MAGI2: variants seen among roughly 807,000 people sequenced by gnomAD.
MAGI2 encodes the protein membrane-associated guanylate kinase, WW and PDZ domain-containing protein 2.
In MAGI2, 35 loss-of-function variants were observed where a neutral mutation model predicts 133.3. The observed-to-expected ratio is 0.26, with a 90% CI of 0.20 to 0.35. MAGI2 has a LOEUF of 0.35. Ranked by LOEUF, MAGI2 falls within the 10% of genes least tolerant of loss-of-function variation. The pLI is 1.00. For missense variants in MAGI2, 1,636 were observed against 1,863.4 expected (o/e 0.88, Z 2.25); for synonymous variants, 729 against 710.6 (o/e 1.03, Z -0.41).
chr7:79,090,183 A>G (rs1257935644), intron 1 of MAGI2, among the ~76,000 whole-genome samples: 4 of 152,118 alleles, frequency 2.6e-5, no homozygotes, highest in South Asian at 2.1e-4. Flanking sequence ...CTATTATGCA[A>G]AAGGAATAAT....
intron 3 of MAGI2, among the ~76,000 whole-genome samples, chr7:78,566,082 C>A (rs1017528696): frequency 6.6e-6 from 1 of 152,080 alleles, no homozygotes; most frequent in Non-Finnish European, 1.5e-5. Flanking sequence ...TTTCAAGGAG[C>A]AGGGGAATTG....
At chr7:78,039,041 T>C (rs1810529829) in intron 21 of MAGI2, among the ~76,000 whole-genome samples, 1 of 152,226 alleles carries the variant, frequency 6.6e-6, no homozygotes, top group Admixed American at 6.5e-5. Flanking sequence ...GGATTTTTTT[T>C]TTAAGTTAGT....
chr7:78,191,572 A>G (rs1828217999), intron 12 of MAGI2, among the ~76,000 whole-genome samples: 1 of 152,110 alleles, frequency 6.6e-6, no homozygotes, highest in Non-Finnish European at 1.5e-5. Flanking sequence ...TGTTTCATAT[A>G]TTCTTGTTGA....
intron 3 of MAGI2, among the ~76,000 whole-genome samples, chr7:78,556,467 GAAGTTGTGATGACAACTCTAA>G (rs1246466290): frequency 6.6e-6 from 1 of 152,152 alleles, no homozygotes; most frequent in Non-Finnish European, 1.5e-5. Flanking sequence ...TTCATATCCT[GAAGTTGTGATGACAACTCTAA>G]AATGTTTGCA....
intron 1 of MAGI2, among the ~76,000 whole-genome samples, chr7:79,165,551 A>G (rs1824826664): frequency 6.6e-6 from 1 of 152,106 alleles, no homozygotes; most frequent in African/African-American, 2.4e-5. Flanking sequence ...TTTAATAACA[A>G]TAGATAAAAA....
At chr7:79,418,830 TACAC>T (rs57172659) in intron 1 of MAGI2, among the ~76,000 whole-genome samples, 6,008 of 137,878 alleles carry the variant, frequency 0.044, 129 homozygotes, top group Non-Finnish European at 0.063. Flanking sequence ...CCAATACACA[TACAC>T]ACACACACAC....
chr7:78,689,402 C>A (rs976711715), intron 2 of MAGI2, among the ~76,000 whole-genome samples: 16 of 151,974 alleles, frequency 1.1e-4, no homozygotes, highest in South Asian at 2.1e-4. Flanking sequence ...CAGAAAAAAA[C>A]CATTCTTTTA....
chr7:78,640,833 C>A (rs939349348), intron 2 of MAGI2, among the ~76,000 whole-genome samples: 1 of 152,314 alleles, frequency 6.6e-6, no homozygotes, highest in South Asian at 2.1e-4. Context: ...GGCTATGGGG[C>A]ATTAGTGAAT....
intron 2 of MAGI2, among the ~76,000 whole-genome samples, chr7:78,680,897 G>A (rs895642634): frequency 2.0e-5 from 3 of 152,104 alleles, no homozygotes; most frequent in Non-Finnish European, 4.4e-5. Context: ...GGATCTTGAT[G>A]GAGGCTCATG....
At chr7:79,391,103 TA>T (rs1045311168) in intron 1 of MAGI2, among the ~76,000 whole-genome samples, 16 of 152,154 alleles carry the variant, frequency 1.1e-4, no homozygotes, top group Admixed American at 7.9e-4. Flanking sequence ...AGTTTTTACA[TA>T]AAGAACTTTG....
At chr7:78,332,652 C>T (rs1027663919) in intron 9 of MAGI2, among the ~76,000 whole-genome samples, 5 of 146,696 alleles carry the variant, frequency 3.4e-5, no homozygotes, top group East Asian at 4.0e-4. Context: ...GAGCCAAGAT[C>T]GCGCCACTGC....
chr7:79,425,706 T>C (rs545076190), intron 1 of MAGI2, among the ~76,000 whole-genome samples: 8 of 151,874 alleles, frequency 5.3e-5, no homozygotes, highest in Admixed American at 2.6e-4. Context: ...CTGATAATAT[T>C]TATTATAGTC....
intron 2 of MAGI2, among the ~76,000 whole-genome samples, chr7:78,945,476 A>G (rs891306821): frequency 1.3e-5 from 2 of 152,232 alleles, no homozygotes; most frequent in Admixed American, 6.5e-5. Flanking sequence ...TAAATGCATT[A>G]CCTAACATAG....
intron 1 of MAGI2, among the ~76,000 whole-genome samples, chr7:79,034,024 A>T (rs1341673530): frequency 1.3e-5 from 2 of 152,150 alleles, no homozygotes; most frequent in South Asian, 4.1e-4. Flanking sequence ...AGTCTTCAAA[A>T]GATTAAGAAA....
intron 2 of MAGI2, among the ~76,000 whole-genome samples, chr7:78,747,800 C>G (rs1434601657): frequency 6.6e-6 from 1 of 152,152 alleles, no homozygotes; most frequent in Non-Finnish European, 1.5e-5. Flanking sequence ...GGAGTTAGCA[C>G]AGGGCCTGTT....
intron 1 of MAGI2, among the ~76,000 whole-genome samples, chr7:79,445,271 T>C (rs911078129): frequency 1.7e-4 from 26 of 152,256 alleles, no homozygotes; most frequent in African/African-American, 6.3e-4. Flanking sequence ...ACTTCATGTC[T>C]AAAACACCAA....
At chr7:78,829,621 G>A (rs367731857) in intron 2 of MAGI2, among the ~76,000 whole-genome samples, 11 of 151,902 alleles carry the variant, frequency 7.2e-5, no homozygotes, top group Admixed American at 3.9e-4. Flanking sequence ...AATATTTCTG[G>A]CATCATACAG....
chr7:78,415,835 C>T (rs1262033724), intron 6 of MAGI2, among the ~76,000 whole-genome samples: 1 of 152,140 alleles, frequency 6.6e-6, no homozygotes, highest in Non-Finnish European at 1.5e-5. Flanking sequence ...TAAAAATGAT[C>T]AAGTGAATTT....
chr7:78,226,685 C>T (rs1192646142), intron 10 of MAGI2, among the ~76,000 whole-genome samples: 1 of 152,166 alleles, frequency 6.6e-6, no homozygotes, highest in Non-Finnish European at 1.5e-5. Flanking sequence ...TTAGAGGTAA[C>T]TACCTTTTCC....
Sources: allele counts gnomAD v4.1 joint callset (sites outside exome capture counted in the v4.1 genomes callset), GRCh38; gene constraint gnomAD v4.1.1; transcripts MANE v1.5; gene names NCBI Gene and HGNC (gene_info 2026-07-23, HGNC 2026-07-21).